The following HGSNAT variants were observed in gnomAD, a reference collection of about 807,000 sequenced individuals.
HGSNAT encodes the protein heparan-alpha-glucosaminide N-acetyltransferase, also known as transmembrane protein 76.
In HGSNAT, 59 loss-of-function variants were observed where a neutral mutation model predicts 85.2. The observed-to-expected ratio is 0.69, with a 90% CI of 0.56 to 0.86. The LOEUF is 0.86. Ranked by LOEUF, HGSNAT falls within the 40% of genes least tolerant of loss-of-function variation. The probability of loss-of-function intolerance (pLI) is 0.00; values close to 1 mark genes in which losing one functional copy is unlikely to be tolerated. For synonymous variants in HGSNAT, 321 were observed against 304.5 expected, an observed-to-expected ratio of 1.05 and a Z score of -0.56; for missense variants, 756 against 777.1, an observed-to-expected ratio of 0.97 and a Z score of 0.32.
chr8:43,146,448 G>A (rs1802715011), intron 1 of HGSNAT, among the ~76,000 whole-genome samples: 1 of 152,178 alleles, frequency 6.6e-6, no homozygotes, highest in Admixed American at 6.5e-5. Flanking sequence ...GAACTTTAGA[G>A]TAATACAAAT....
chr8:43,148,601 A>G (rs538076535), intron 2 of HGSNAT, among the ~76,000 whole-genome samples: 14 of 151,768 alleles, frequency 9.2e-5, no homozygotes, highest in Non-Finnish European at 1.8e-4. Flanking sequence ...CAGCCTGGCC[A>G]ACATGGTGAA....
In HGSNAT at chr8:43,202,142, T is replaced by C. The variant is rs1804935514; in HGVS notation, c.*2573T>C. ...GCTACAGGGGAGCTTCTCTAAGTCC[T>C]GCGGGAGGCCAGACCCAGCCTGAGC... is the stretch of plus-strand genomic sequence containing the variant. On this transcript the variant is annotated 3_prime_UTR_variant, in exon 18 of 18. Transcript: ENST00000379644. 6.5e-6 allele frequency: 1 copy of C among 152,880 alleles called. No individual in the cohort carries two copies. Among genetic ancestry groups the C allele is most frequent in the Admixed American group, 6.5e-5 (1 of 15,280 alleles). The allele number at this position is 152,880 out of a possible 1,614,324, so 9.5% of individuals were successfully genotyped here. A position where few individuals can be genotyped will look rare whatever the true frequency, so the allele number is the denominator to read the frequency against.
At chr8:43,189,037 G>A (rs757174408) in intron 11 of HGSNAT, among the ~76,000 whole-genome samples, 6 of 152,146 alleles carry the variant, frequency 3.9e-5, no homozygotes, top group South Asian at 4.1e-4. Context: ...GGTGTCAGTC[G>A]GTCCCTACTG....
In HGSNAT at chr8:43,197,831, C is replaced by T. The variant is rs2130821536; in HGVS notation, c.1614-9C>T. 2 of 1,609,872 alleles carry T rather than the reference C, an allele frequency of 1.2e-6. No homozygotes were observed. The highest frequency in any genetic ancestry group is 1.3e-5 in the African/African-American group (1 of 74,968). On this transcript the variant is annotated splice_polypyrimidine_tract_variant and intron_variant, in intron 16 of 17. Transcript: ENST00000379644. ...ACGAGCACTGAAACGTCTCCTCCACCCCTCCCAGGTCCCTTTCGTATGTCA... is the reference window on the plus strand; with the variant it reads ...ACGAGCACTGAAACGTCTCCTCCACTCCTCCCAGGTCCCTTTCGTATGTCA...
Position 43,177,557 on chromosome 8 carries a change from CAAAAAAAAAA to C in HGSNAT, c.852-505_852-496del, listed in dbSNP as rs11291112. Among the ~76,000 whole-genome samples the C allele has an allele frequency of 3.7e-5, 3 of 80,454 alleles. No homozygotes were observed. The South Asian group carries it at 1.4e-3, about 36-fold the overall frequency. 52.8% of individuals were successfully genotyped at this position (80,454 alleles called of 152,430 possible). ...TGGGCAACAGAGCAAGACTCCGTCT[CAAAAAAAAAA>C]AAAAAAAAAAAGAGTAATTTAGTAA... On this transcript the variant is annotated intron_variant, in intron 9 of 17. Transcript: ENST00000379644.
rs761793639 is a variant in HGSNAT at position 43,197,660 on chromosome 8, TCCCC to T, written c.1543-11_1543-8del. ...ATATAAAATGTTAACATCCTTCTCT[TCCCC>T]ATTACAGGGGCTCATTTCTGTTGCT... is the stretch of plus-strand genomic sequence containing the variant. On this transcript the variant is annotated splice_polypyrimidine_tract_variant and splice_region_variant and intron_variant, in intron 15 of 17. Transcript: ENST00000379644. 3 of 1,596,044 alleles carry T rather than the reference TCCCC, an allele frequency of 1.9e-6. No homozygotes were observed. In the Admixed American group the frequency reaches 5.0e-5, roughly 27 times the overall value.
chr8:43,179,560 C>T (rs1285104648), intron 10 of HGSNAT, among the ~76,000 whole-genome samples: 12 of 122,538 alleles, frequency 9.8e-5, no homozygotes, highest in South Asian at 2.8e-4. Context: ...CCCTCCCGGA[C>T]GGGGCGGCTG....
At chr8:43,180,814 A>T (rs1804061578) in intron 10 of HGSNAT, 1 of 135,754 alleles carries the variant, frequency 7.4e-6, no homozygotes, top group Non-Finnish European at 1.5e-5. Flanking sequence ...TTGAGCACTG[A>T]GTGAACGAGA....
chr8:43,179,630 C>A (rs1352434241), intron 10 of HGSNAT, among the ~76,000 whole-genome samples: 1 of 42,230 alleles, frequency 2.4e-5, no homozygotes, highest in African/African-American at 1.2e-4. Flanking sequence ...CGCCCCTCAC[C>A]TCCCGGACGG....
intron 5 of HGSNAT, among the ~76,000 whole-genome samples, chr8:43,164,646 C>T (rs906500311): frequency 9.2e-5 from 14 of 151,954 alleles, no homozygotes; most frequent in South Asian, 2.1e-4. Flanking sequence ...CTGGGCGTGG[C>T]GGCGCACGCC....
At chr8:43,149,118 AAAATAAATAAAT>A (rs57240507) in intron 2 of HGSNAT, among the ~76,000 whole-genome samples, 9 of 146,682 alleles carry the variant, frequency 6.1e-5, no homozygotes, top group Admixed American at 6.1e-4. Context: ...TCTGTCTCAA[AAAATAAATAAAT>A]AAATAAATAA....
intron 5 of HGSNAT, among the ~76,000 whole-genome samples, 167 bp downstream of exon 5, chr8:43,161,674 C>T (rs917154657): frequency 3.3e-5 from 5 of 152,310 alleles, no homozygotes; most frequent in South Asian, 2.1e-4. Context: ...TAGACTAAGA[C>T]GTGGTCTCTG....
At chr8:43,163,908 G>A (rs1416715951) in intron 5 of HGSNAT, among the ~76,000 whole-genome samples, 2 of 152,086 alleles carry the variant, frequency 1.3e-5, no homozygotes, top group East Asian at 1.9e-4. Flanking sequence ...GAGTTGTGAG[G>A]GAAAAAGAGA....
chr8:43,197,989 T>C, intron 17 of HGSNAT, 37 bp downstream of exon 17: 1 of 1,471,340 alleles, frequency 6.8e-7, no homozygotes, highest in Non-Finnish European at 9.4e-7. Flanking sequence ...GCTGGGATGG[T>C]GACCAGGAGG....
chr8:43,161,394 G>C (rs374611059), intron 4 of HGSNAT, 44 bp from the exon 5 acceptor site: 75 of 1,477,262 alleles, frequency 5.1e-5, no homozygotes, highest in Admixed American at 6.8e-5. Flanking sequence ...TGATGTTCAT[G>C]ATGACATTTT....
intron 9 of HGSNAT, among the ~76,000 whole-genome samples, chr8:43,174,961 T>TC (rs957469184): frequency 1.2e-4 from 18 of 144,388 alleles, no homozygotes; most frequent in African/African-American, 4.0e-4. Context: ...CGCCCTGAGT[T>TC]CAGTTGTTTT....
At chr8:43,171,670 G>T (rs908389790) in intron 7 of HGSNAT, among the ~76,000 whole-genome samples, 1 of 152,136 alleles carries the variant, frequency 6.6e-6, no homozygotes, top group Non-Finnish European at 1.5e-5. Flanking sequence ...TAGCACATCC[G>T]GAATCTATTA....
intron 2 of HGSNAT, among the ~76,000 whole-genome samples, chr8:43,150,788 T>C (rs1429661057): frequency 2.6e-5 from 4 of 151,654 alleles, no homozygotes; most frequent in Non-Finnish European, 5.9e-5. Flanking sequence ...GAGCCAAGAT[T>C]GCGCCACTGC....
intron 8 of HGSNAT, among the ~76,000 whole-genome samples, chr8:43,172,653 T>G (rs1803667623): frequency 6.6e-6 from 1 of 152,236 alleles, no homozygotes; most frequent in African/African-American, 2.4e-5. Context: ...ACTGAGGGAC[T>G]CTGCAGAATA....
Sources: allele counts gnomAD v4.1 joint callset (sites outside exome capture counted in the v4.1 genomes callset), GRCh38; gene constraint gnomAD v4.1.1; transcripts MANE v1.5; gene names NCBI Gene and HGNC (gene_info 2026-07-23, HGNC 2026-07-21).